HDAC9: variants seen among roughly 807,000 people sequenced by gnomAD.
HDAC9 encodes MEF-2 interacting transcription repressor (MITR) protein.
Under a neutral mutation model 139.4 loss-of-function variants are expected in HDAC9, and 41 were observed. The ratio of observed to expected loss-of-function variants is 0.29; its 90% confidence interval spans 0.23 to 0.38. The LOEUF is 0.38. HDAC9 is among the 10% of genes least tolerant of loss of function. The probability of loss-of-function intolerance (pLI) is 1.00; values close to 1 mark genes in which losing one functional copy is unlikely to be tolerated. For missense variants in HDAC9, 1,147 were observed against 1,297.0 expected, an observed-to-expected ratio of 0.88 and a Z score of 1.78; for synonymous variants, 517 against 476.2, an observed-to-expected ratio of 1.09 and a Z score of -1.12.
At chr7:18,464,371 TAG>T (rs1563014253) in intron 1 of HDAC9, among the ~76,000 whole-genome samples, 20 of 152,032 alleles carry the variant, frequency 1.3e-4, no homozygotes. Context: ...GAATGGTAGG[TAG>T]TGGCTTAAAA....
At position 18,145,932 on chromosome 7, in the gene HDAC9, A is replaced by G. The variant is rs76910813; in HGVS notation, c.-96-16297A>G. Reference sequence around the variant, plus strand: ...AGCAAATTTAGGGCAGAACAGAAAGACCCCACAAAAGAGGTCAATGGAACA... The same window carrying G: ...AGCAAATTTAGGGCAGAACAGAAAGGCCCCACAAAAGAGGTCAATGGAACA... On this transcript the variant is annotated intron_variant, in intron 1 of 12. Transcript: ENST00000417496. Among the ~76,000 whole-genome samples the G allele has an allele frequency of 9.5e-3, 1,439 of 152,240 alleles. 22 individuals are homozygous for G. The highest frequency in any genetic ancestry group is 0.032 in the African/African-American group (1,339 of 41,542).
chr7:18,326,650 G>A (rs621939), intron 1 of HDAC9, among the ~76,000 whole-genome samples: 2 of 151,816 alleles, frequency 1.3e-5, no homozygotes, highest in African/African-American at 4.8e-5. Flanking sequence ...GTATACTTTG[G>A]ATTTATCATC....
chr7:18,415,693 C>A (rs947188494), intron 1 of HDAC9, among the ~76,000 whole-genome samples: 1 of 152,106 alleles, frequency 6.6e-6, no homozygotes, highest in African/African-American at 2.4e-5. Context: ...TGTTATGATG[C>A]AGTATCAAGG....
chr7:18,643,673 A>G (rs978323696), intron 8 of HDAC9, among the ~76,000 whole-genome samples: 2 of 152,088 alleles, frequency 1.3e-5, no homozygotes, highest in Non-Finnish European at 2.9e-5. Flanking sequence ...TCCCCCAAAC[A>G]TGCTTGACAA....
intron 1 of HDAC9, among the ~76,000 whole-genome samples, chr7:18,299,271 T>C (rs1037104433): frequency 3.9e-5 from 6 of 152,076 alleles, no homozygotes; most frequent in Middle Eastern, 3.4e-3. Flanking sequence ...TATTTTTTGC[T>C]TCAAAATTTG....
intron 13 of HDAC9, among the ~76,000 whole-genome samples, chr7:18,738,441 G>A (rs541508765): frequency 6.6e-5 from 10 of 152,276 alleles, no homozygotes; most frequent in African/African-American, 1.9e-4. Context: ...AGGAGCTCTT[G>A]TAAGGCAGGC....
At chr7:18,613,758 C>G (rs1837817921) in intron 6 of HDAC9, among the ~76,000 whole-genome samples, 1 of 152,048 alleles carries the variant, frequency 6.6e-6, no homozygotes, top group Non-Finnish European at 1.5e-5. Flanking sequence ...TTGGTCTCTT[C>G]TAAATCAGTG....
At chr7:18,970,591 A>G (rs929564311) in intron 24 of HDAC9, among the ~76,000 whole-genome samples, 2 of 152,166 alleles carry the variant, frequency 1.3e-5, no homozygotes, top group African/African-American at 4.8e-5. Flanking sequence ...CATTTAAACA[A>G]TGTTTTGGAT....
intron 1 of HDAC9, among the ~76,000 whole-genome samples, chr7:18,470,153 A>G (rs1479119685): frequency 6.6e-6 from 1 of 152,038 alleles, no homozygotes; most frequent in Admixed American, 6.6e-5. Context: ...TGTCTTTACC[A>G]AATAAATAAA....
intron 15 of HDAC9, among the ~76,000 whole-genome samples, chr7:18,763,644 C>T (rs1789582452): frequency 6.6e-6 from 1 of 152,024 alleles, no homozygotes; most frequent in African/African-American, 2.4e-5. Flanking sequence ...AATAAATGTT[C>T]TTATTTTAAC....
At chr7:18,414,391 CTT>C (rs538817266) in intron 1 of HDAC9, among the ~76,000 whole-genome samples, 15 of 141,434 alleles carry the variant, frequency 1.1e-4, no homozygotes, top group Admixed American at 1.4e-4. Flanking sequence ...CTCATCCTTC[CTT>C]TTTTTTTTTT....
At chr7:18,643,743 A>G (rs1003247467) in intron 8 of HDAC9, among the ~76,000 whole-genome samples, 5 of 152,098 alleles carry the variant, frequency 3.3e-5, no homozygotes, top group African/African-American at 9.7e-5. Flanking sequence ...GAGGTGGTCT[A>G]TTATTGGAGT....
chr7:18,606,648 A>G (rs1046400447), intron 6 of HDAC9, among the ~76,000 whole-genome samples: 1 of 152,208 alleles, frequency 6.6e-6, no homozygotes, highest in Non-Finnish European at 1.5e-5. Flanking sequence ...CCTGTATCAA[A>G]TTAGAAAATT....
At chr7:18,309,629 G>A (rs892926809) in intron 1 of HDAC9, among the ~76,000 whole-genome samples, 1 of 152,132 alleles carries the variant, frequency 6.6e-6, no homozygotes, top group African/African-American at 2.4e-5. Context: ...TTTGGGGACT[G>A]TTTCCAAACA....
chr7:18,717,873 T>TA (rs1784825994), intron 12 of HDAC9, among the ~76,000 whole-genome samples: 1 of 152,166 alleles, frequency 6.6e-6, no homozygotes, highest in Non-Finnish European at 1.5e-5. Context: ...AGAAAGGAGA[T>TA]AAAAATGAAA....
At chr7:18,427,449 A>G (rs1019731761) in intron 1 of HDAC9, among the ~76,000 whole-genome samples, 1 of 151,540 alleles carries the variant, frequency 6.6e-6, no homozygotes, top group African/African-American at 2.4e-5. Flanking sequence ...TCATTCATTC[A>G]TTTTAGAATT....
At chr7:18,765,514 G>C (rs570007574) in intron 15 of HDAC9, among the ~76,000 whole-genome samples, 2 of 152,168 alleles carry the variant, frequency 1.3e-5, no homozygotes, top group African/African-American at 4.8e-5. Flanking sequence ...CAACTGACGG[G>C]AGGCTGAGGC....
chr7:18,628,642 C>T (rs1781418061), intron 6 of HDAC9, among the ~76,000 whole-genome samples: 1 of 152,146 alleles, frequency 6.6e-6, no homozygotes, highest in Admixed American at 6.6e-5. Flanking sequence ...TAAATGGTAA[C>T]ATACATGTGA....
At chr7:18,868,871 C>G (rs1005751422) in intron 21 of HDAC9, among the ~76,000 whole-genome samples, 8 of 152,032 alleles carry the variant, frequency 5.3e-5, no homozygotes, top group Admixed American at 5.2e-4. Context: ...CATAAAAACT[C>G]AAGAGGACTG....
Sources: allele counts gnomAD v4.1 joint callset (sites outside exome capture counted in the v4.1 genomes callset), GRCh38; gene constraint gnomAD v4.1.1; transcripts MANE v1.5; gene names NCBI Gene and HGNC (gene_info 2026-07-23, HGNC 2026-07-21).